Variants in UBE2D2 observed in about 807,000 individuals in gnomAD.
UBE2D2 encodes ubiquitin-conjugating enzyme E2 D2.
In UBE2D2, 2 loss-of-function variants were observed where a neutral mutation model predicts 24.2. The ratio of observed to expected loss-of-function variants is 0.08; its 90% CI spans 0.03 to 0.26. UBE2D2 has a LOEUF of 0.26. Ranked by LOEUF, UBE2D2 falls within the 10% of genes least tolerant of loss-of-function variation. The pLI, the probability that UBE2D2 is intolerant of heterozygous loss-of-function variation, is 1.00. For missense variants in UBE2D2, 44 were observed against 177.6 expected, an observed-to-expected ratio of 0.25 and a Z score of 4.28; for synonymous variants, 58 against 56.5, an observed-to-expected ratio of 1.03 and a Z score of -0.12.
intron 1 of UBE2D2, among the ~76,000 whole-genome samples, chr5:139,589,106 T>A (rs769100165): frequency 5.9e-5 from 9 of 152,138 alleles, no homozygotes; most frequent in Non-Finnish European, 1.3e-4. Flanking sequence ...TGCTTTAATC[T>A]TCTTAGCAGA....
chr5:139,584,866 C>T (rs1012478839), intron 1 of UBE2D2, among the ~76,000 whole-genome samples: 6 of 149,670 alleles, frequency 4.0e-5, no homozygotes, highest in Admixed American at 1.3e-4. Context: ...TCAGTAATTA[C>T]ATCATAATAT....
Position 139,548,193 on chromosome 5 carries a change from A to AAAAAAAAAAAAAAT in UBE2D2, c.-64+21584_-64+21585insAAAAAAAAAATAAA. Among the ~76,000 whole-genome samples the AAAAAAAAAAAAAAT allele has an allele frequency of 3.1e-3, 144 of 47,010 alleles. 3 individuals carry two copies. Among genetic ancestry groups the AAAAAAAAAAAAAAT allele is most frequent in the Non-Finnish European group, 3.7e-3 (98 of 26,308 alleles). 30.8% of individuals were successfully genotyped at this position (47,010 alleles called of 152,430 possible). On this transcript the variant is annotated intron_variant, in intron 1 of 6. Coordinates refer to the UBE2D2 transcript ENST00000511725. ...AAAAAAAAAAAAAAAATAAAAAAAA[A>AAAAAAAAAAAAAAT]AAATAAATAAATAAATAAATAAACG...
intron 2 of UBE2D2, among the ~76,000 whole-genome samples, chr5:139,605,068 C>T (rs779699747): frequency 3.3e-5 from 5 of 152,126 alleles, no homozygotes; most frequent in Non-Finnish European, 5.9e-5. Flanking sequence ...CTCCTTTTGA[C>T]TATCCTGGTA....
intron 5 of UBE2D2, 46 bp from the exon 6 acceptor site, chr5:139,623,322 C>T: frequency 1.4e-6 from 2 of 1,441,228 alleles, no homozygotes; most frequent in Non-Finnish European, 9.6e-7. Flanking sequence ...TCTCTCAACC[C>T]TTTGCTTTGA....
At chr5:139,617,757 C>T (rs551760652) in intron 5 of UBE2D2, among the ~76,000 whole-genome samples, 2 of 151,978 alleles carry the variant, frequency 1.3e-5, no homozygotes, top group Non-Finnish European at 2.9e-5. Flanking sequence ...ACACATTGGC[C>T]CCTGTATTCC....
intron 1 of UBE2D2, among the ~76,000 whole-genome samples, chr5:139,533,645 C>T (rs2126627830): frequency 6.7e-6 from 1 of 150,314 alleles, no homozygotes; most frequent in African/African-American, 2.4e-5. Context: ...GAGCTAAACT[C>T]CGTCTCAAAA....
At chr5:139,624,456 A>C (rs766234412) in intron 6 of UBE2D2, among the ~76,000 whole-genome samples, 7 of 152,152 alleles carry the variant, frequency 4.6e-5, no homozygotes, top group Non-Finnish European at 1.0e-4. Context: ...TGTAGTATTC[A>C]GTGAAGTTAT....
At position 139,573,956 on chromosome 5, in the gene UBE2D2, G is replaced by A. The variant is rs147018320; in HGVS notation, c.24+12141G>A. On this transcript the variant is annotated intron_variant, in intron 1 of 6. Transcript: ENST00000398733. ...ACTGCGCTCCAGCCTGGGCGACAGA[G>A]CGAGACTGTCTCTAAATAAATAAAT... Among the ~76,000 whole-genome samples the A allele has an allele frequency of 6.3e-3, 961 of 151,864 alleles. 5 individuals carry two copies. The highest frequency in any genetic ancestry group is 0.019 in the South Asian group (92 of 4,796).
intron 1 of UBE2D2, among the ~76,000 whole-genome samples, chr5:139,574,735 CAAAAAA>C (rs75539434): frequency 1.4e-5 from 1 of 70,744 alleles, no homozygotes; most frequent in African/African-American, 4.9e-5. Flanking sequence ...GGTGGGGTGG[CAAAAAA>C]AAAAAAAAAA....
At chr5:139,575,144 C>G (rs912947910) in intron 1 of UBE2D2, among the ~76,000 whole-genome samples, 2 of 152,176 alleles carry the variant, frequency 1.3e-5, no homozygotes, top group African/African-American at 4.8e-5. Context: ...CGTACTTGCT[C>G]TGCTTTGACT....
chr5:139,550,545 GC>G (rs1752899208), intron 1 of UBE2D2, among the ~76,000 whole-genome samples: 1 of 152,110 alleles, frequency 6.6e-6, no homozygotes. Flanking sequence ...GTGGCAACTG[GC>G]TCAGGTTCTC....
intron 1 of UBE2D2, among the ~76,000 whole-genome samples, chr5:139,549,245 G>A (rs944112871): frequency 2.0e-5 from 3 of 152,182 alleles, no homozygotes; most frequent in Non-Finnish European, 2.9e-5. Context: ...CTCTGGCTGC[G>A]CTTGAGGAGC....
At chr5:139,593,795 T>G (rs1245312372) in intron 1 of UBE2D2, among the ~76,000 whole-genome samples, 2 of 152,090 alleles carry the variant, frequency 1.3e-5, no homozygotes, top group South Asian at 2.1e-4. Flanking sequence ...AAAATTTTTT[T>G]TGTGGAGATA....
chr5:139,549,396 G>A (rs547859635), intron 1 of UBE2D2, among the ~76,000 whole-genome samples: 13 of 152,334 alleles, frequency 8.5e-5, no homozygotes, highest in South Asian at 4.1e-4. Context: ...GAGGGCCAGC[G>A]CGAGTTCCGG....
chr5:139,626,933 T>TA lies in UBE2D2; in HGVS notation c.*133dup. ...TTCCCCTGTGCACATGTTTACCTGA[T>TA]ACAGCAGTGCTGCGTGTTGTACATA... On this transcript the variant is annotated 3_prime_UTR_variant, in exon 7 of 7. Transcript: ENST00000398733. 4 of 696,118 alleles carry TA rather than the reference T, an allele frequency of 5.7e-6. No individual in the cohort carries two copies. Among genetic ancestry groups the TA allele is most frequent in the Admixed American group, 2.6e-5 (1 of 38,206 alleles). The allele number at this position is 696,118 out of a possible 1,614,324, so 43.1% of individuals were successfully genotyped here.
chr5:139,541,880 T>C (rs1203014055), intron 1 of UBE2D2, among the ~76,000 whole-genome samples: 1 of 151,560 alleles, frequency 6.6e-6, no homozygotes, highest in African/African-American at 2.4e-5. Context: ...GGTGAAACCC[T>C]GTCTCTACTA....
chr5:139,540,408 T>C (rs188025900), intron 1 of UBE2D2, among the ~76,000 whole-genome samples: 60 of 151,844 alleles, frequency 4.0e-4, no homozygotes, highest in African/African-American at 1.4e-3. Context: ...TAGCTGGGTG[T>C]TGTGGCGGGC....
intron 1 of UBE2D2, among the ~76,000 whole-genome samples, chr5:139,527,812 G>A (rs1270392334): frequency 6.6e-6 from 1 of 152,218 alleles, no homozygotes; most frequent in Non-Finnish European, 1.5e-5. Flanking sequence ...GGCCTCCTGT[G>A]TACTATTAAG....
intron 1 of UBE2D2, among the ~76,000 whole-genome samples, chr5:139,531,755 A>T (rs1020422445): frequency 6.6e-6 from 1 of 152,114 alleles, no homozygotes; most frequent in South Asian, 2.1e-4. Context: ...TGAGCTCAGG[A>T]GTTTTAGAAC....
Sources: gnomAD v4.1 joint callset for allele counts (sites outside exome capture counted in the v4.1 genomes callset) on GRCh38, gnomAD v4.1.1 for gene constraint, MANE v1.5 for transcripts, NCBI Gene and HGNC (gene_info 2026-07-23, HGNC 2026-07-21) for gene names.